MFSD2B: variants seen among roughly 807,000 people sequenced by gnomAD.
MFSD2B encodes the protein sphingosine-1-phosphate transporter MFSD2B.
Under a neutral mutation model 58.4 loss-of-function variants are expected in MFSD2B, and 56 were observed. That is an observed-to-expected ratio of 0.96 (90% CI 0.77 to 1.20). The LOEUF (loss-of-function observed/expected upper bound fraction) is 1.20, where lower values mean the gene tolerates loss of function less well. Among genes scored for constraint, MFSD2B ranks in the 50% most tolerant of loss-of-function variants. The pLI, the probability that MFSD2B is intolerant of heterozygous loss-of-function variation, is 0.00. For synonymous variants in MFSD2B, 287 were observed against 294.4 expected (o/e 0.97, Z 0.26); for missense variants, 645 against 667.6 (o/e 0.97, Z 0.37).
rs941202064 is a variant in MFSD2B at position 24,021,077 on chromosome 2, T to G, written c.682-571T>G. Among the ~76,000 whole-genome samples, 2 of 151,884 alleles carry G rather than the reference T, an allele frequency of 1.3e-5. No homozygotes were observed. The highest frequency in any genetic ancestry group is 4.8e-5 in the African/African-American group (2 of 41,320). On this transcript the variant is annotated intron_variant, in intron 6 of 13. Coordinates refer to ENST00000338315, the MANE Select transcript of MFSD2B (RefSeq NM_001346880.2). This position sits in a 1 kb window ranked among gnomAD's most constrained non-coding sequence, Gnocchi z 5.7. ...ACACCCAGCTAAATGTTTGTATTTT[T>G]AGTAGAGATGGGGTTTCACGATGTT...
At position 24,024,021 on chromosome 2, in the gene MFSD2B, A is replaced by G; in HGVS notation, c.1314-74A>G. ...TTTCAGGAGGGGGTGGGGTGGGGTG[A>G]GGTGTCGAGTCCCTCCACCCAGGGT... On this transcript the variant is annotated intron_variant, in intron 12 of 13. Transcript: ENST00000338315. The surrounding 1 kb of genome is among the most constrained non-coding windows in gnomAD (Gnocchi z 4.3). The G allele has an allele frequency of 1.4e-6, 2 of 1,441,084 alleles. No homozygotes were observed. The highest frequency in any genetic ancestry group is 9.6e-7 in the Non-Finnish European group (1 of 1,041,962). 89.3% of individuals were successfully genotyped at this position (1,441,084 alleles called of 1,614,324 possible).
In MFSD2B at chr2:24,024,115, G is replaced by C; in HGVS notation, c.1334G>C (p.Gly445Ala). 1.9e-6 allele frequency: 3 copies of C among 1,613,838 alleles called. No individual in the cohort carries two copies. Among genetic ancestry groups the C allele is most frequent in the Non-Finnish European group, 2.5e-6 (3 of 1,179,820 alleles). The part of the protein sequence containing the change: ...LSLEFSGYKA[G>A]VCKQAEEVVV... ...TCCAGGTTCTCGGGGTATAAGGCAGGGGTCTGCAAGCAAGCAGAGGAGGTG... is the reference window on the plus strand; with the variant it reads ...TCCAGGTTCTCGGGGTATAAGGCAGCGGTCTGCAAGCAAGCAGAGGAGGTG... The change falls in exon 13 of 14, where the codon GGG becomes GCG. Residue 445 changes from glycine to alanine, a missense_variant. Transcript: ENST00000338315. The surrounding 1 kb of genome is among the most constrained non-coding windows in gnomAD (Gnocchi z 4.3).
intron 1 of MFSD2B, among the ~76,000 whole-genome samples, chr2:24,010,520 CT>C (rs1708917741): frequency 6.6e-6 from 1 of 152,220 alleles, no homozygotes; most frequent in South Asian, 2.1e-4. Flanking sequence ...GCAGGCAGGG[CT>C]TTCTGAAGCG....
chr2:24,016,315 C>T, intron 3 of MFSD2B, 35 bp downstream of exon 3: 1 of 1,599,088 alleles, frequency 6.3e-7, no homozygotes, highest in Non-Finnish European at 8.5e-7. Flanking sequence ...ATCCAGGCAC[C>T]TGGTCCTGGC....
intron 2 of MFSD2B, among the ~76,000 whole-genome samples, chr2:24,015,427 G>A (rs1709106761): frequency 6.6e-6 from 1 of 152,112 alleles, no homozygotes; most frequent in Non-Finnish European, 1.5e-5. Flanking sequence ...ACTCCAGCCT[G>A]GGCAACAGAG....
chr2:24,016,724 A>T, intron 3 of MFSD2B, 121 bp from the exon 4 acceptor site: 1 of 1,243,898 alleles, frequency 8.0e-7, no homozygotes, highest in Non-Finnish European at 1.1e-6. Flanking sequence ...GCTCCCACCC[A>T]GGGCGCCCCA....
chr2:24,013,297 G>A lies in MFSD2B; in HGVS notation c.109G>A (p.Gly37Ser), dbSNP rs374612098. 6.4e-5 allele frequency: 103 copies of A among 1,602,788 alleles called. No homozygotes were observed. The highest frequency in any genetic ancestry group is 2.4e-4 in the African/African-American group (18 of 74,722). The change falls in exon 2 of 14, where the codon GGT becomes AGT. Residue 37 changes from glycine to serine, a missense_variant. Transcript: ENST00000338315. ...AKRGREDSRA[G>S]RLSFCTKVCY... ...GTGTCTCCTCCAGGACAGCAGAGCCGGTCGCCTCTCATTCTGTACAAAGGT... is the reference window on the plus strand; with the variant it reads ...GTGTCTCCTCCAGGACAGCAGAGCCAGTCGCCTCTCATTCTGTACAAAGGT...
chr2:24,012,151 AACAC>A lies in MFSD2B; in HGVS notation c.97-1108_97-1105del, dbSNP rs1208353148. Among the ~76,000 whole-genome samples, 6 of 76,436 alleles carry A rather than the reference AACAC, an allele frequency of 7.8e-5. No homozygotes were observed. The highest frequency in any genetic ancestry group is 2.0e-4 in the Admixed American group (1 of 4,958). 50.1% of individuals were successfully genotyped at this position (76,436 alleles called of 152,430 possible). Reference sequence around the variant, plus strand: ...TGGAAACAAACAAACAAACAAACAAAACACACACACACACACACACACACACACA... The same window carrying A: ...TGGAAACAAACAAACAAACAAACAAAACACACACACACACACACACACACA... On this transcript the variant is annotated intron_variant, in intron 1 of 13. Transcript: ENST00000338315. This position sits in a 1 kb window ranked among gnomAD's most constrained non-coding sequence, Gnocchi z 4.5.
intron 1 of MFSD2B, chr2:24,013,064 A>G: frequency 2.5e-6 from 1 of 395,388 alleles, no homozygotes; most frequent in Non-Finnish European, 4.5e-6. Context: ...GATGTCCAGA[A>G]GAACTTCCCC....
In MFSD2B at chr2:24,016,882, T is replaced by G; in HGVS notation, c.385T>G (p.Phe129Val). 6.2e-7 allele frequency: 1 copy of G among 1,613,866 alleles called. No individual in the cohort carries two copies. Among genetic ancestry groups the G allele is most frequent in the Non-Finnish European group, 8.5e-7 (1 of 1,179,852 alleles). Residue 129 changes from phenylalanine to valine, a missense_variant, in exon 4 of 14, where the codon TTC becomes GTC. Physicochemically the swap from Phe to Val is conservative, Grantham distance 50 (BLOSUM62 -1). Coordinates refer to ENST00000338315, the MANE Select transcript of MFSD2B (RefSeq NM_001346880.2). ...GCTPFIALAY[F>V]FLWFLPPFTS... ...CACCCCCTTCATCGCCCTGGCCTAC[T>G]TCTTCCTGTGGTTCCTGCCCCCCTT...
intron 1 of MFSD2B, 40 bp downstream of exon 1, chr2:24,010,232 C>T (rs1708908689): frequency 2.3e-6 from 3 of 1,325,534 alleles, no homozygotes; most frequent in African/African-American, 1.5e-5. Flanking sequence ...GCTGCGTCCT[C>T]GGGGAGCTCC....
chr2:24,010,196 A>G lies in MFSD2B; in HGVS notation c.96+4A>G. 7.1e-7 allele frequency: 1 copy of G among 1,402,326 alleles called. No homozygotes were observed. The highest frequency in any genetic ancestry group is 1.5e-5 in the South Asian group (1 of 64,986). The allele number at this position is 1,402,326 out of a possible 1,614,324, so 86.9% of individuals were successfully genotyped here. On this transcript the variant is annotated splice_donor_region_variant and intron_variant, in intron 1 of 13. Coordinates refer to ENST00000338315, the MANE Select transcript of MFSD2B (RefSeq NM_001346880.2). ...GAGCGCCAAGCGAGGGCGAGAGGTG[A>G]GCGGGGCGGCGGGGACCGGGAAGGG... is the stretch of plus-strand genomic sequence containing the variant.
rs1347594978 is a variant in MFSD2B, at chr2:24,020,670, CCA to C, written c.682-976_682-975del. Among the ~76,000 whole-genome samples, 1 of 152,102 alleles carries C rather than the reference CCA, an allele frequency of 6.6e-6. No individual in the cohort carries two copies. Among genetic ancestry groups the C allele is most frequent in the Non-Finnish European group, 1.5e-5 (1 of 68,010 alleles). ...GACCTCCCAGACTCAAGCGATTCTG[CCA>C]CCTCAGCCTCCCTAGTAGCTGGGAC... On this transcript the variant is annotated intron_variant, in intron 6 of 13. Transcript: ENST00000338315. The surrounding 1 kb of genome is among the most constrained non-coding windows in gnomAD (Gnocchi z 4.1).
Position 24,021,996 on chromosome 2 carries a change from A to G in MFSD2B, c.894+26A>G. The G allele has an allele frequency of 1.2e-6, 2 of 1,613,752 alleles. No individual in the cohort carries two copies. The highest frequency in any genetic ancestry group is 1.3e-5 in the African/African-American group (1 of 75,036). On this transcript the variant is annotated intron_variant, in intron 8 of 13. Coordinates refer to ENST00000338315, the MANE Select transcript of MFSD2B (RefSeq NM_001346880.2). This position sits in a 1 kb window ranked among gnomAD's most constrained non-coding sequence, Gnocchi z 5.7. ...GTACCTCTGGCCAGCTGCCCCCGAC[A>G]GGCTTGGTGCTGGCCATGCTGACCT... is the stretch of plus-strand genomic sequence containing the variant.
Position 24,023,022 on chromosome 2 carries a change from G to T in MFSD2B, c.1060-108G>T. 7.4e-7 allele frequency: 1 copy of T among 1,343,808 alleles called. No homozygotes were observed. Among genetic ancestry groups the T allele is most frequent in the Non-Finnish European group, 1.1e-6 (1 of 945,856 alleles). 83.2% of individuals were successfully genotyped at this position (1,343,808 alleles called of 1,614,324 possible). A position where few individuals can be genotyped will look rare whatever the true frequency, so the allele number is the denominator to read the frequency against. ...GGATCTGTGTTCCCTTGAGTCTTTA[G>T]GGCCTAGCACAGGGCAAGGCATGGG... On this transcript the variant is annotated intron_variant, in intron 10 of 13. Transcript: ENST00000338315. This position sits in a 1 kb window ranked among gnomAD's most constrained non-coding sequence, Gnocchi z 5.0.
rs1573631654 is a variant in MFSD2B, at chr2:24,013,367, C to CCA, written c.182_183dup (p.Ala62GlnfsTer12). On this transcript the variant is annotated frameshift_variant, in exon 2 of 14. Transcript: ENST00000338315. LOFTEE classifies it high-confidence loss of function. Reference sequence around the variant, plus strand: ...GTCCCCAACCAGATAGCCTCCAGCGCCACAGCCTTTTACCTGCAGCTTTTC... The same window carrying CCA: ...GTCCCCAACCAGATAGCCTCCAGCGCCACACAGCCTTTTACCTGCAGCTTTTC... 1 of 1,611,158 alleles carries CCA rather than the reference C, an allele frequency of 6.2e-7. No homozygotes were observed. The highest frequency in any genetic ancestry group is 2.2e-5 in the East Asian group (1 of 44,852).
rs1038700507 is a variant in MFSD2B at position 24,025,502 on chromosome 2, G to A, written c.*46G>A. ...AATGGACACAGGAGCCAGCACCCTC[G>A]GGGCCTGACATCGCCCTCCTCAGCC... is the stretch of plus-strand genomic sequence containing the variant. On this transcript the variant is annotated 3_prime_UTR_variant, in exon 14 of 14. Transcript: ENST00000338315. The A allele has an allele frequency of 2.4e-5, 36 of 1,521,478 alleles. No homozygotes were observed. The highest frequency in any genetic ancestry group is 5.9e-5 in the Admixed American group (3 of 50,952). The allele number at this position is 1,521,478 out of a possible 1,614,324, so 94.2% of individuals were successfully genotyped here.
Position 24,017,093 on chromosome 2 carries a change from T to C in MFSD2B, c.471+125T>C, listed in dbSNP as rs1709176378. 1 of 1,446,564 alleles carries C rather than the reference T, an allele frequency of 6.9e-7. No individual in the cohort carries two copies. The allele number at this position is 1,446,564 out of a possible 1,614,324, so 89.6% of individuals were successfully genotyped here. On this transcript the variant is annotated intron_variant, in intron 4 of 13. Transcript: ENST00000338315. The surrounding 1 kb of genome is among the most constrained non-coding windows in gnomAD (Gnocchi z 4.8). ...ACCCGCCTGTGCCTGGACCATGCCA[T>C]TGGCACTCGCCAGCCTTGCGCGGGA... is the stretch of plus-strand genomic sequence containing the variant.
In MFSD2B at chr2:24,017,323, T is replaced by C. The variant is rs1709188338; in HGVS notation, c.509T>C (p.Leu170Pro). ...QVPYTALTML[L>P]TPCPRERDSA... is the part of the protein sequence containing the mutation. ...CCCTACACAGCGCTCACCATGCTGC[T>C]GACTCCCTGCCCAAGGGAGCGGGAC... The change falls in exon 5 of 14, where the codon CTG becomes CCG. Residue 170 changes from leucine to proline, a missense_variant. Physicochemically the swap from Leu to Pro is moderately conservative, Grantham distance 98. Coordinates refer to ENST00000338315, the MANE Select transcript of MFSD2B (RefSeq NM_001346880.2). The surrounding 1 kb of genome is among the most constrained non-coding windows in gnomAD (Gnocchi z 4.8). 6.2e-7 allele frequency: 1 copy of C among 1,606,600 alleles called. No individual in the cohort carries two copies. Among genetic ancestry groups the C allele is most frequent in the African/African-American group, 1.3e-5 (1 of 74,876 alleles).
Sources: gnomAD v4.1 joint callset for allele counts (sites outside exome capture counted in the v4.1 genomes callset) on GRCh38, gnomAD v4.1.1 for gene constraint, Gnocchi (gnomAD v3.1) non-coding constraint, MANE v1.5 for transcripts, NCBI Gene and HGNC (gene_info 2026-07-23, HGNC 2026-07-21) for gene names.